SYT17: variants seen among roughly 807,000 people sequenced by gnomAD.
SYT17 encodes the protein synaptotagmin-17.
A neutral mutation model predicts 46.7 loss-of-function variants in SYT17; 22 were observed. That is an observed-to-expected ratio of 0.47 (90% CI 0.34 to 0.67). The LOEUF (loss-of-function observed/expected upper bound fraction) is 0.67, where lower values mean the gene tolerates loss of function less well. Among genes scored for constraint, SYT17 ranks in the 30% least tolerant of loss-of-function variants. SYT17 has a pLI of 0.01. For missense variants in SYT17, 519 were observed against 612.8 expected, an observed-to-expected ratio of 0.85 and a Z score of 1.62; for synonymous variants, 251 against 248.4, an observed-to-expected ratio of 1.01 and a Z score of -0.10.
Position 19,251,847 on chromosome 16 carries a change from T to G in SYT17, c.1229-15033T>G, listed in dbSNP as rs77422327. Reference sequence around the variant, plus strand: ...GACTGCTGTGAGGGTGGAAAGGGATTGCGCATACACAGGGCCACACGGTCT... The same window carrying G: ...GACTGCTGTGAGGGTGGAAAGGGATGGCGCATACACAGGGCCACACGGTCT... On this transcript the variant is annotated intron_variant, in intron 7 of 7. Transcript: ENST00000355377. Among the ~76,000 whole-genome samples the G allele has an allele frequency of 8.8e-3, 1,344 of 152,248 alleles. 99 individuals carry two copies. The East Asian group carries it at 0.17, about 20-fold the overall frequency.
At chr16:19,201,268 G>A (rs1472505169) in intron 5 of SYT17, among the ~76,000 whole-genome samples, 1 of 152,152 alleles carries the variant, frequency 6.6e-6, no homozygotes. Context: ...GGGCCACCAG[G>A]GACACAGCCC....
intron 5 of SYT17, among the ~76,000 whole-genome samples, chr16:19,215,450 G>A (rs568281870): frequency 3.6e-4 from 55 of 152,210 alleles, no homozygotes; most frequent in Non-Finnish European, 6.9e-4. Flanking sequence ...TTTTAAGATA[G>A]GGTCTTTCTC....
chr16:19,211,090 G>A (rs1965880808), intron 5 of SYT17: 2 of 230,022 alleles, frequency 8.7e-6, no homozygotes, highest in Non-Finnish European at 8.4e-6. Flanking sequence ...ATTCATCTGA[G>A]TAATTTACAG....
chr16:19,207,136 G>A (rs930829379), intron 5 of SYT17, among the ~76,000 whole-genome samples: 19 of 152,112 alleles, frequency 1.2e-4, no homozygotes, highest in African/African-American at 4.3e-4. Context: ...CTTTGCACAC[G>A]ACAGCTCCCT....
intron 7 of SYT17, among the ~76,000 whole-genome samples, chr16:19,263,853 T>C (rs80168199): frequency 0.035 from 5,318 of 152,200 alleles, 276 homozygotes; most frequent in African/African-American, 0.12. Flanking sequence ...ATAGCAGATA[T>C]GTGAGGCTTT....
chr16:19,171,325 G>GATT (rs140578698), intron 1 of SYT17: 13 of 142,684 alleles, frequency 9.1e-5, no homozygotes, highest in South Asian at 1.7e-4. Context: ...TGATGATGAT[G>GATT]ATTATGATTA....
chr16:19,213,177 T>C (rs372584317), intron 5 of SYT17, among the ~76,000 whole-genome samples: 7 of 152,118 alleles, frequency 4.6e-5, no homozygotes, highest in South Asian at 4.1e-4. Context: ...TTTACTTCTG[T>C]AGGAAGGTGT....
chr16:19,231,523 C>CAAAAAAAAAAAAAAAAAAA (rs143448107), intron 7 of SYT17, among the ~76,000 whole-genome samples: 2 of 45,848 alleles, frequency 4.4e-5, no homozygotes, highest in Admixed American at 3.5e-4. Context: ...AACTCCATCA[C>CAAAAAAAAAAAAAAAAAAA]AAAAAAAAAA....
chr16:19,218,589 G>A (rs1274197878), intron 5 of SYT17, among the ~76,000 whole-genome samples: 1 of 152,184 alleles, frequency 6.6e-6, no homozygotes, highest in East Asian at 1.9e-4. Flanking sequence ...CTTGTTGAAG[G>A]TTCGATCAAT....
At chr16:19,258,666 A>G (rs1021251375) in intron 7 of SYT17, among the ~76,000 whole-genome samples, 1 of 152,114 alleles carries the variant, frequency 6.6e-6, no homozygotes, top group Non-Finnish European at 1.5e-5. Context: ...ATAAAATAAC[A>G]GAAACAGGGG....
At position 19,248,932 on chromosome 16, in the gene SYT17, A is replaced by T. The variant is rs188487995; in HGVS notation, c.1229-17948A>T. Among the ~76,000 whole-genome samples, 15 of 152,268 alleles carry T rather than the reference A, an allele frequency of 9.9e-5. No individual in the cohort carries two copies. In the East Asian group the frequency reaches 2.5e-3, roughly 25 times the overall value. On this transcript the variant is annotated intron_variant, in intron 7 of 7. Transcript: ENST00000355377. ...ACATTACGCTAAGTGAATGCAAATG[A>T]CTATATACTGTGTGACTCCATTTAT... is the stretch of plus-strand genomic sequence containing the variant.
intron 7 of SYT17, among the ~76,000 whole-genome samples, chr16:19,231,247 AG>A (rs1046335289): frequency 1.1e-4 from 16 of 152,132 alleles, no homozygotes; most frequent in Non-Finnish European, 4.4e-5. Flanking sequence ...CTAAGTGGCC[AG>A]GGTTTCCTGT....
chr16:19,252,250 T>G (rs115768921), intron 7 of SYT17, among the ~76,000 whole-genome samples: 2,754 of 148,644 alleles, frequency 0.019, 75 homozygotes, highest in African/African-American at 0.066. Flanking sequence ...ACATAAATGT[T>G]GCAGAATTCT....
Position 19,168,573 on chromosome 16 carries a change from C to G in SYT17, c.-74C>G, listed in dbSNP as rs998704902. ...TCCTTTCCCCCTTTGCTTTCTTCCC[C>G]CTCCGCTGTTGGCGAGGGCAAAGTG... is the stretch of plus-strand genomic sequence containing the variant. On this transcript the variant is annotated 5_prime_UTR_variant, in exon 1 of 8. Transcript: ENST00000355377. The surrounding 1 kb of genome is among the most constrained non-coding windows in gnomAD (Gnocchi z 6.9). 1.9e-6 allele frequency: 3 copies of G among 1,540,430 alleles called. No homozygotes were observed. The highest frequency in any genetic ancestry group is 2.6e-6 in the Non-Finnish European group (3 of 1,140,962).
intron 5 of SYT17, among the ~76,000 whole-genome samples, chr16:19,202,499 T>C (rs1199226542): frequency 6.6e-6 from 1 of 152,138 alleles, no homozygotes; most frequent in African/African-American, 2.4e-5. Flanking sequence ...CTGAATCCCT[T>C]CATTTAGGGT....
chr16:19,211,366 T>G, intron 5 of SYT17: 1 of 703,200 alleles, frequency 1.4e-6, no homozygotes, highest in Non-Finnish European at 2.6e-6. Context: ...TGTTGGGGGC[T>G]GCACTGCTTG....
intron 7 of SYT17, among the ~76,000 whole-genome samples, chr16:19,235,792 T>A (rs2142930136): frequency 6.6e-6 from 1 of 152,214 alleles, no homozygotes; most frequent in African/African-American, 2.4e-5. Context: ...GTACAATCAC[T>A]GAAACAAAAT....
intron 5 of SYT17, among the ~76,000 whole-genome samples, chr16:19,222,461 G>A (rs1218393767): frequency 6.6e-6 from 1 of 152,178 alleles, no homozygotes; most frequent in African/African-American, 2.4e-5. Context: ...ACTGTGCCGA[G>A]TGTTGCTATC....
chr16:19,190,832 C>G (rs1964988354), intron 5 of SYT17, among the ~76,000 whole-genome samples: 1 of 148,836 alleles, frequency 6.7e-6, no homozygotes, highest in Non-Finnish European at 1.5e-5. Context: ...ATTCATTCAT[C>G]CTTTAATGGA....
Sources: allele counts gnomAD v4.1 joint callset (sites outside exome capture counted in the v4.1 genomes callset), GRCh38; gene constraint gnomAD v4.1.1; non-coding constraint Gnocchi (gnomAD v3.1); transcripts MANE v1.5; gene names NCBI Gene and HGNC (gene_info 2026-07-23, HGNC 2026-07-21).